SZT2: variants seen among roughly 807,000 people sequenced by gnomAD.
SZT2 encodes SZT2 subunit of KICSTOR complex, also known as KICSTOR complex protein SZT2.
SZT2 carries 216 observed loss-of-function variants against 404.2 expected under a neutral mutation model. The ratio of observed to expected loss-of-function variants is 0.53; its 90% CI spans 0.48 to 0.60. The LOEUF (loss-of-function observed/expected upper bound fraction) is 0.60, where lower values mean the gene tolerates loss of function less well. Among genes scored for constraint, SZT2 ranks in the 20% least tolerant of loss-of-function variants. The pLI, the probability that SZT2 is intolerant of heterozygous loss-of-function variation, is 0.00. For missense variants in SZT2, 3,857 were observed against 4,459.2 expected (o/e 0.86, Z 3.85); for synonymous variants, 1,693 against 1,749.9 (o/e 0.97, Z 0.81).
At chr1:43,403,414 C>A in intron 2 of SZT2, 112 bp downstream of exon 2, 1 of 1,465,586 alleles carries the variant, frequency 6.8e-7, no homozygotes, top group Non-Finnish European at 9.2e-7. Context: ...CTGGTTAGGG[C>A]AAGGGACTGC....
chr1:43,444,377 G>A (rs1655433394), intron 62 of SZT2, among the ~76,000 whole-genome samples: 1 of 152,150 alleles, frequency 6.6e-6, no homozygotes, highest in South Asian at 2.1e-4. Flanking sequence ...GATTATAGGT[G>A]TGAGCCATCA....
At position 43,437,190 on chromosome 1, in the gene SZT2, C is replaced by T. The variant is rs138657693; in HGVS notation, c.6054C>T (p.Ser2018=). The T allele has an allele frequency of 5.0e-6, 8 of 1,614,220 alleles. No individual in the cohort carries two copies. Among genetic ancestry groups the T allele is most frequent in the South Asian group, 1.1e-5 (1 of 91,084 alleles). The change falls in exon 43 of 72, where the codon AGC becomes AGT. Residue 2018 remains serine, a synonymous_variant. Transcript: ENST00000634258. The surrounding 1 kb of genome is among the most constrained non-coding windows in gnomAD (Gnocchi z 5.3). ...ACCCAGATTATGCTGCTGATGAGAG[C>T]TGTGCGCCCCGTGGGTACCTGGCAG... ...LPSDDYAADE[S]CAPRGYLAAT...
Position 43,424,557 on chromosome 1 carries a change from C to T in SZT2, c.2471+125C>T, listed in dbSNP as rs1187275573. On this transcript the variant is annotated intron_variant, in intron 16 of 71. Coordinates refer to ENST00000634258, the MANE Select transcript of SZT2 (RefSeq NM_001365999.1). This position sits in a 1 kb window ranked among gnomAD's most constrained non-coding sequence, Gnocchi z 4.1. ...ATTCCCAGTCTGAAGTATAGAGCAGCATCTGCTACTGCCCTCCCTGTCTCC... is the reference window on the plus strand; with the variant it reads ...ATTCCCAGTCTGAAGTATAGAGCAGTATCTGCTACTGCCCTCCCTGTCTCC... 9.7e-7 allele frequency: 1 copy of T among 1,027,098 alleles called. No homozygotes were observed. The highest frequency in any genetic ancestry group is 1.6e-5 in the African/African-American group (1 of 62,844). 63.6% of individuals were successfully genotyped at this position (1,027,098 alleles called of 1,614,324 possible).
Position 43,441,401 on chromosome 1 carries a change from T to G in SZT2, c.7511+21T>G, listed in dbSNP as rs1283582591. On this transcript the variant is annotated intron_variant, in intron 53 of 71. Coordinates refer to ENST00000634258, the MANE Select transcript of SZT2 (RefSeq NM_001365999.1). The surrounding 1 kb of genome is among the most constrained non-coding windows in gnomAD (Gnocchi z 4.8). ...CAAAAGTATGTGTGTGGTGGTGGTG[T>G]GCCCTGGGAGGGTATGGGTGTGAAG... The G allele has an allele frequency of 1.2e-6, 2 of 1,613,278 alleles. No individual in the cohort carries two copies. The highest frequency in any genetic ancestry group is 1.7e-6 in the Non-Finnish European group (2 of 1,179,594).
rs1300728642 is a variant in SZT2 at position 43,440,882 on chromosome 1, CA to C, written c.7344+301del. 5.3e-5 allele frequency among the ~76,000 whole-genome samples: 8 copies of C among 152,294 alleles called. No individual in the cohort carries two copies. The East Asian group carries it at 1.2e-3, about 22-fold the overall frequency. ...AACACTCTGTCTCAAAAAAGCAAAA[CA>C]AAAACTGCTCTGTCTTTTGGACTGG... On this transcript the variant is annotated intron_variant, in intron 52 of 71. Transcript: ENST00000634258.
At chr1:43,438,018 G>T in intron 46 of SZT2, 116 bp downstream of exon 46, 1 of 1,087,258 alleles carries the variant, frequency 9.2e-7, no homozygotes, top group African/African-American at 1.5e-5. Context: ...CTCAGCCCAA[G>T]ACCTGACACA....
chr1:43,437,986 A>G lies in SZT2; in HGVS notation c.6508+84A>G. On this transcript the variant is annotated intron_variant, in intron 46 of 71. Coordinates refer to ENST00000634258, the MANE Select transcript of SZT2 (RefSeq NM_001365999.1). The surrounding 1 kb of genome is among the most constrained non-coding windows in gnomAD (Gnocchi z 5.3). Reference sequence around the variant, plus strand: ...CTTCTCTTAGAACCTTGCAAGCATTACACTAGAAGTTATGTAACAGTCTCA... The same window carrying G: ...CTTCTCTTAGAACCTTGCAAGCATTGCACTAGAAGTTATGTAACAGTCTCA... 7.4e-7 allele frequency: 1 copy of G among 1,360,330 alleles called. No individual in the cohort carries two copies. The allele number at this position is 1,360,330 out of a possible 1,614,324, so 84.3% of individuals were successfully genotyped here.
chr1:43,448,971 C>A lies in SZT2; in HGVS notation c.10086+243C>A. 4.0e-6 allele frequency: 2 copies of A among 504,124 alleles called. No homozygotes were observed. The highest frequency in any genetic ancestry group is 5.0e-5 in the South Asian group (2 of 40,306). The allele number at this position is 504,124 out of a possible 1,614,324, so 31.2% of individuals were successfully genotyped here. On this transcript the variant is annotated intron_variant, in intron 70 of 71. Transcript: ENST00000634258. The surrounding 1 kb of genome is among the most constrained non-coding windows in gnomAD (Gnocchi z 4.2). ...AAGCCTTGGCTTGAGATCCTGAGGG[C>A]CAGGCTCTGGAACTGACAACCCAAG...
chr1:43,448,376 A>G lies in SZT2; in HGVS notation c.9861A>G (p.Pro3287=). The G allele has an allele frequency of 6.4e-7, 1 of 1,560,040 alleles. No homozygotes were observed. The highest frequency in any genetic ancestry group is 8.7e-7 in the Non-Finnish European group (1 of 1,152,018). ...TLWKRLFLLE[P]PGPDRLRLGG... ...GGAAGCGCCTCTTCTTGCTGGAGCCACCGGGGCCTGATCGACTGCGGCTAG... is the reference window on the plus strand; with the variant it reads ...GGAAGCGCCTCTTCTTGCTGGAGCCGCCGGGGCCTGATCGACTGCGGCTAG... Residue 3287 remains proline, a synonymous_variant, in exon 69 of 72, where the codon CCA becomes CCG. Transcript: ENST00000634258. The surrounding 1 kb of genome is among the most constrained non-coding windows in gnomAD (Gnocchi z 4.2).
Position 43,443,578 on chromosome 1 carries a change from T to C in SZT2, c.8626-19T>C. ...TGGTTGACAGTGGGGAGAGTCTTCC[T>C]TGATCTTTACTCTCATAGCGGCGCC... On this transcript the variant is annotated intron_variant, in intron 61 of 71. Transcript: ENST00000634258. The C allele has an allele frequency of 6.2e-7, 1 of 1,613,992 alleles. No homozygotes were observed. The highest frequency in any genetic ancestry group is 2.2e-5 in the East Asian group (1 of 44,876).
intron 4 of SZT2, chr1:43,412,640 A>T (rs367822951): frequency 6.6e-6 from 1 of 152,216 alleles, no homozygotes. Context: ...AAAAATGGAC[A>T]AATAGGATCA....
At position 43,453,960 on chromosome 1, in the gene SZT2, A is replaced by C; in HGVS notation, c.*3480A>C. On this transcript the variant is annotated 3_prime_UTR_variant, in exon 72 of 72. Transcript: ENST00000634258. ...TGTAAAAACCCGGGCCTTCACGAAAAGCGCCTACGGTTAGCGAGAGAGGGA... is the reference window on the plus strand; with the variant it reads ...TGTAAAAACCCGGGCCTTCACGAAACGCGCCTACGGTTAGCGAGAGAGGGA... 1 of 1,196,104 alleles carries C rather than the reference A, an allele frequency of 8.4e-7. No individual in the cohort carries two copies. The highest frequency in any genetic ancestry group is 4.1e-5 in the South Asian group (1 of 24,156). The allele number at this position is 1,196,104 out of a possible 1,614,324, so 74.1% of individuals were successfully genotyped here. A position where few individuals can be genotyped will look rare whatever the true frequency, so the allele number is the denominator to read the frequency against.
In SZT2 at chr1:43,430,592, T is replaced by C. The variant is rs1170401428; in HGVS notation, c.4577T>C (p.Leu1526Pro). Residue 1526 changes from leucine to proline, a missense_variant, in exon 32 of 72, where the codon CTA becomes CCA. Physicochemically the swap from Leu to Pro is moderately conservative, Grantham distance 98. Around this residue, in one of 7 missense-constraint regions of SZT2, gnomAD observed 1,725 missense variants for 1,881.0 expected, o/e 0.92. Transcript: ENST00000634258. ...SRESDLGPAG[L>P]DSASLSDVDT... ...GAATCAGACCTGGGGCCTGCTGGGC[T>C]AGACTCTGCCTCGCTGTCAGACGTA... The C allele has an allele frequency of 6.2e-7, 1 of 1,614,160 alleles. No individual in the cohort carries two copies. The highest frequency in any genetic ancestry group is 8.5e-7 in the Non-Finnish European group (1 of 1,180,034).
chr1:43,393,860 C>T (rs1648686139), intron 1 of SZT2, among the ~76,000 whole-genome samples: 1 of 152,148 alleles, frequency 6.6e-6, no homozygotes, highest in Non-Finnish European at 1.5e-5. Context: ...TAGCCTTCCT[C>T]TCCTGTTTAA....
rs1250700031 is a variant in SZT2 at position 43,453,557 on chromosome 1, C to A, written c.*3077C>A. 5 of 1,512,300 alleles carry A rather than the reference C, an allele frequency of 3.3e-6. No individual in the cohort carries two copies. Among genetic ancestry groups the A allele is most frequent in the East Asian group, 5.0e-5 (2 of 40,270 alleles). The allele number at this position is 1,512,300 out of a possible 1,614,324, so 93.7% of individuals were successfully genotyped here. ...ACACTCCCCTGCCCGCGCCCCGGCA[C>A]CCCCCAGCCCTCCCAGCCCTCCCGG... On this transcript the variant is annotated 3_prime_UTR_variant, in exon 72 of 72. Transcript: ENST00000634258.
rs150927632 is a variant in SZT2 at position 43,441,328 on chromosome 1, C to G, written c.7459C>G (p.Pro2487Ala). 128 of 1,614,186 alleles carry G rather than the reference C, an allele frequency of 7.9e-5. 1 individual carries two copies. The South Asian group carries it at 1.3e-3, about 17-fold the overall frequency. Residue 2487 changes from proline to alanine, a missense_variant, in exon 53 of 72, where the codon CCT becomes GCT. Physicochemically the swap from Pro to Ala is conservative, Grantham distance 27. Coordinates refer to ENST00000634258, the MANE Select transcript of SZT2 (RefSeq NM_001365999.1). The surrounding 1 kb of genome is among the most constrained non-coding windows in gnomAD (Gnocchi z 4.8). Reference sequence around the variant, plus strand: ...TCACAAAACCGAGAGTGTTCGGACTCCTGGTGGAGCTGAGCGGGCGCCAGG... The same window carrying G: ...TCACAAAACCGAGAGTGTTCGGACTGCTGGTGGAGCTGAGCGGGCGCCAGG... ...RRHKTESVRT[P>A]GGAERAPGSD... is the part of the protein sequence containing the mutation.
rs774109356 is a variant in SZT2, at chr1:43,440,513, C to T, written c.7271C>T (p.Pro2424Leu). 6.2e-7 allele frequency: 1 copy of T among 1,609,160 alleles called. No homozygotes were observed. The highest frequency in any genetic ancestry group is 1.1e-5 in the South Asian group (1 of 90,468). ...TCTGCAGGCCGAGCTAGCACCTTTCCCCCTGCCCCTGTCCCTGGGGAGCCT... is the reference window on the plus strand; with the variant it reads ...TCTGCAGGCCGAGCTAGCACCTTTCTCCCTGCCCCTGTCCCTGGGGAGCCT... ...KSSAGRASTF[P>L]PAPVPGEPVT... The change falls in exon 52 of 72, where the codon CCC becomes CTC. Residue 2424 changes from proline (P) to leucine (L), a missense_variant. Coordinates refer to ENST00000634258, the MANE Select transcript of SZT2 (RefSeq NM_001365999.1).
intron 1 of SZT2, among the ~76,000 whole-genome samples, chr1:43,393,137 G>T (rs1243819787): frequency 4.6e-5 from 7 of 152,202 alleles, no homozygotes; most frequent in African/African-American, 1.7e-4. Context: ...TTAAGCTGAA[G>T]CCTGAAGAAT....
At chr1:43,404,022 C>A in intron 3 of SZT2, 2 of 542,164 alleles carry the variant, frequency 3.7e-6, no homozygotes, top group East Asian at 3.0e-5. Context: ...CTAGCCTGGG[C>A]CACATGGCAA....
Sources: gnomAD v4.1 joint callset for allele counts (sites outside exome capture counted in the v4.1 genomes callset) on GRCh38, gnomAD v4.1.1 for gene constraint, gnomAD v4.1.1 regional missense constraint, Gnocchi (gnomAD v3.1) non-coding constraint, MANE v1.5 for transcripts, NCBI Gene and HGNC (gene_info 2026-07-23, HGNC 2026-07-21) for gene names.